Variants in TBCE observed in about 807,000 individuals in gnomAD.
TBCE encodes the protein tubulin folding cofactor E.
Under a neutral mutation model 77.0 loss-of-function variants are expected in TBCE, and 53 were observed. That is an observed-to-expected ratio of 0.69 (90% CI 0.55 to 0.87). The LOEUF is 0.87. Among genes scored for constraint, TBCE ranks in the 40% least tolerant of loss-of-function variants. The probability of loss-of-function intolerance (pLI) is 0.00; values close to 1 mark genes in which losing one functional copy is unlikely to be tolerated. For synonymous variants in TBCE, 235 were observed against 241.3 expected (o/e 0.97, Z 0.24); for missense variants, 624 against 622.4 (o/e 1.00, Z -0.03).
At chr1:235,390,683 C>G (rs560204694) in intron 2 of TBCE, among the ~76,000 whole-genome samples, 5 of 151,274 alleles carry the variant, frequency 3.3e-5, no homozygotes, top group African/African-American at 1.2e-4. Context: ...ATCGCTTGAA[C>G]CTGGGAGACG....
At chr1:235,394,424 T>TTC (rs1678602571) in intron 2 of TBCE, among the ~76,000 whole-genome samples, 2 of 131,110 alleles carry the variant, frequency 1.5e-5, no homozygotes, top group South Asian at 5.0e-4. Context: ...ATTTCTTTTT[T>TTC]TTTTTTTTTT....
intron 7 of TBCE, 177 bp from the exon 8 acceptor site, chr1:235,434,027 A>C (rs1177274206): frequency 4.6e-6 from 3 of 651,390 alleles, no homozygotes; most frequent in Non-Finnish European, 8.3e-6. Flanking sequence ...CCCCCTTAAC[A>C]TTTTATTTAT....
At chr1:235,442,009 T>A (rs575326167) in intron 14 of TBCE, 127 bp downstream of exon 14, 6,240 of 220,266 alleles carry the variant, frequency 0.028, 22 homozygotes, top group Middle Eastern at 0.068. Context: ...TAAATGAAAA[T>A]TTTTTTTTTT....
rs749002930 is a variant in TBCE at position 235,434,220 on chromosome 1, C to T, written c.677C>T (p.Ala226Val). The change falls in exon 8 of 17, where the codon GCG becomes GTG. Residue 226 changes from alanine to valine, a missense_variant. By Grantham distance (64) the Ala-to-Val change is moderately conservative. Coordinates refer to ENST00000642610, the MANE Select transcript of TBCE (RefSeq NM_003193.5). ...CTCTTCCAGGTGCTGCGGTGTGTCG[C>T]GGGGTGCCCAGGCCTGGAGGAACTC... ...ITWAEVLRCV[A>V]GCPGLEELYL... 2.7e-5 allele frequency: 43 copies of T among 1,613,964 alleles called. 1 individual carries two copies. In the Middle Eastern group the frequency reaches 6.6e-4, roughly 25 times the overall value.
intron 2 of TBCE, among the ~76,000 whole-genome samples, chr1:235,381,685 C>CAAAA (rs574997840): frequency 2.3e-5 from 1 of 43,192 alleles, no homozygotes; most frequent in Non-Finnish European, 3.9e-5. Flanking sequence ...ACTCCTTCTC[C>CAAAA]AAAAAAAAAA....
chr1:235,376,559 G>C (rs187249740), intron 1 of TBCE, among the ~76,000 whole-genome samples: 8 of 152,240 alleles, frequency 5.3e-5, no homozygotes, highest in Admixed American at 5.2e-4. Context: ...TCTTCTTAGG[G>C]ACTAGAGCTC....
chr1:235,388,283 C>CTTTTTTTTTT (rs908940784), intron 2 of TBCE, among the ~76,000 whole-genome samples: 6 of 117,340 alleles, frequency 5.1e-5, no homozygotes, highest in East Asian at 2.4e-4. Flanking sequence ...TCTGTTACTT[C>CTTTTTTTTTT]TTTTTTTTTT....
Position 235,379,913 on chromosome 1 carries a change from A to T in TBCE, c.-31-106A>T, listed in dbSNP as rs554479451. 6.3e-4 allele frequency: 411 copies of T among 652,212 alleles called. 5 individuals are homozygous for T. The South Asian group carries it at 6.6e-3, about 11-fold the overall frequency. 40.4% of individuals were successfully genotyped at this position (652,212 alleles called of 1,614,324 possible). A position where few individuals can be genotyped will look rare whatever the true frequency, so the allele number is the denominator to read the frequency against. On this transcript the variant is annotated intron_variant, in intron 1 of 16. Coordinates refer to ENST00000642610, the MANE Select transcript of TBCE (RefSeq NM_003193.5). ...CAGTGAGCCGAGATTGCGCCACTGC[A>T]CTCCAGCCTGGGCGACAGAGCAAGA...
intron 3 of TBCE, among the ~76,000 whole-genome samples, chr1:235,408,176 A>G (rs1271441983): frequency 6.6e-6 from 1 of 152,226 alleles, no homozygotes; most frequent in Non-Finnish European, 1.5e-5. Flanking sequence ...GCAATAAAGG[A>G]TAAGTGTTTG....
In TBCE at chr1:235,416,549, A is replaced by G. The variant is rs1348315419; in HGVS notation, c.371+1931A>G. On this transcript the variant is annotated intron_variant, in intron 4 of 16. Transcript: ENST00000642610. ...TCAAATGACACACAAACCAAAAAAAAAAAACCCCAAATATTTACATATCTC... is the reference window on the plus strand; with the variant it reads ...TCAAATGACACACAAACCAAAAAAAGAAAACCCCAAATATTTACATATCTC... Among the ~76,000 whole-genome samples, 6 of 152,240 alleles carry G rather than the reference A, an allele frequency of 3.9e-5. No individual in the cohort carries two copies. The East Asian group carries it at 7.7e-4, about 20-fold the overall frequency.
Position 235,448,818 on chromosome 1 carries a change from G to A in TBCE, c.*56G>A, listed in dbSNP as rs556604625. 1 of 1,249,642 alleles carries A rather than the reference G, an allele frequency of 8.0e-7. No homozygotes were observed. Among genetic ancestry groups the A allele is most frequent in the South Asian group, 1.2e-5 (1 of 82,868 alleles). 77.4% of individuals were successfully genotyped at this position (1,249,642 alleles called of 1,614,324 possible). ...TGCTTATCGTGTCTGGGGTTCACCG[G>A]AAATAAATGATTCACTGGAACAATT... On this transcript the variant is annotated 3_prime_UTR_variant, in exon 17 of 17. Coordinates refer to ENST00000642610, the MANE Select transcript of TBCE (RefSeq NM_003193.5).
chr1:235,412,917 C>T (rs903028192), intron 3 of TBCE, among the ~76,000 whole-genome samples: 3 of 152,168 alleles, frequency 2.0e-5, no homozygotes, highest in African/African-American at 4.8e-5. Context: ...GATTCTCCTG[C>T]CTCAGCCTCC....
intron 5 of TBCE, among the ~76,000 whole-genome samples, 159 bp from the exon 6 acceptor site, chr1:235,426,981 G>A (rs185763079): frequency 3.9e-5 from 6 of 152,234 alleles, no homozygotes; most frequent in Admixed American, 3.9e-4. Flanking sequence ...GTGAAGTTTT[G>A]GATAACTTAA....
At chr1:235,410,948 T>C (rs1455100976) in intron 3 of TBCE, among the ~76,000 whole-genome samples, 1 of 152,182 alleles carries the variant, frequency 6.6e-6, no homozygotes, top group Non-Finnish European at 1.5e-5. Context: ...TAAGAAAACA[T>C]TTAGTAAGCT....
At chr1:235,420,174 G>C (rs1680319963) in intron 5 of TBCE, among the ~76,000 whole-genome samples, 1 of 152,216 alleles carries the variant, frequency 6.6e-6, no homozygotes, top group Non-Finnish European at 1.5e-5. Flanking sequence ...GAAAGCCCAG[G>C]GCTTTGGCAG....
At chr1:235,382,448 C>T (rs1433775805) in intron 2 of TBCE, among the ~76,000 whole-genome samples, 1 of 152,054 alleles carries the variant, frequency 6.6e-6, no homozygotes, top group Non-Finnish European at 1.5e-5. Flanking sequence ...AAAAGTGTTC[C>T]TATTTCTCCA....
At chr1:235,415,905 T>C (rs1680081405) in intron 4 of TBCE, 1 of 152,158 alleles carries the variant, frequency 6.6e-6, no homozygotes, top group South Asian at 2.1e-4. Flanking sequence ...CGGTGGCTTA[T>C]GCTTGTCATC....
intron 7 of TBCE, 86 bp downstream of exon 7, chr1:235,430,890 G>A: frequency 9.5e-7 from 1 of 1,056,102 alleles, no homozygotes; most frequent in South Asian, 1.3e-5. Flanking sequence ...CAGTTTAATA[G>A]TACAACTGTG....
chr1:235,433,187 C>T, intron 7 of TBCE: 1 of 1,314,358 alleles, frequency 7.6e-7, no homozygotes, highest in East Asian at 3.1e-5. Flanking sequence ...TCAGATGATT[C>T]CATTCTCTAA....
Sources: allele counts gnomAD v4.1 joint callset (sites outside exome capture counted in the v4.1 genomes callset), GRCh38; gene constraint gnomAD v4.1.1; transcripts MANE v1.5; gene names NCBI Gene and HGNC (gene_info 2026-07-23, HGNC 2026-07-21).